Variants in PKN2 observed in about 807,000 individuals in gnomAD.
PKN2 encodes the protein protein kinase N2.
PKN2 carries 38 observed loss-of-function variants against 119.1 expected under a neutral mutation model. The observed-to-expected ratio is 0.32, with a 90% CI of 0.25 to 0.42. PKN2 has a LOEUF of 0.42. Among genes scored for constraint, PKN2 ranks in the 10% least tolerant of loss-of-function variants. PKN2 has a pLI of 1.00. For missense variants in PKN2, 850 were observed against 1,165.1 expected, an observed-to-expected ratio of 0.73 and a Z score of 3.94; for synonymous variants, 390 against 384.9, an observed-to-expected ratio of 1.01 and a Z score of -0.15.
At chr1:88,816,177 T>C (rs1463124653) in intron 16 of PKN2, among the ~76,000 whole-genome samples, 1 of 152,090 alleles carries the variant, frequency 6.6e-6, no homozygotes, top group Non-Finnish European at 1.5e-5. Flanking sequence ...TTTTTATAAT[T>C]GTTACAGTAT....
chr1:88,792,545 A>G (rs558827584), intron 8 of PKN2, among the ~76,000 whole-genome samples: 39 of 152,314 alleles, frequency 2.6e-4, no homozygotes, highest in African/African-American at 7.0e-4. Context: ...CAACCCATGT[A>G]CTCGAAAATC....
At chr1:88,739,115 T>A (rs561360626) in intron 1 of PKN2, among the ~76,000 whole-genome samples, 1 of 152,308 alleles carries the variant, frequency 6.6e-6, no homozygotes, top group African/African-American at 2.4e-5. Flanking sequence ...TGGAACCTGG[T>A]AAGTATACAT....
Position 88,789,266 on chromosome 1 carries a change from A to C in PKN2, c.1281+3053A>C, listed in dbSNP as rs929169370. 6.6e-5 allele frequency among the ~76,000 whole-genome samples: 10 copies of C among 152,330 alleles called. No individual in the cohort carries two copies. In the East Asian group the frequency reaches 1.3e-3, roughly 21 times the overall value. ...ACTAGAATATTAGGAGATAATGTTC[A>C]GAGAGAAAGATGCAGACAGTTGAGA... On this transcript the variant is annotated intron_variant, in intron 8 of 21. Coordinates refer to ENST00000370521, the MANE Select transcript of PKN2 (RefSeq NM_006256.4).
chr1:88,768,850 G>T (rs1434084995), intron 3 of PKN2, among the ~76,000 whole-genome samples: 2 of 152,208 alleles, frequency 1.3e-5, no homozygotes, highest in Non-Finnish European at 2.9e-5. Context: ...GACTGTACAA[G>T]AAGGATGGTG....
At chr1:88,754,383 A>C (rs1446530169) in intron 2 of PKN2, among the ~76,000 whole-genome samples, 1 of 152,202 alleles carries the variant, frequency 6.6e-6, no homozygotes, top group Non-Finnish European at 1.5e-5. Context: ...AGATGCTTAT[A>C]GTCGCAGAGG....
chr1:88,790,850 T>A (rs1670803606), intron 8 of PKN2, among the ~76,000 whole-genome samples: 1 of 152,196 alleles, frequency 6.6e-6, no homozygotes, highest in Non-Finnish European at 1.5e-5. Context: ...TGTCTTTTTG[T>A]TCTACTTTCT....
chr1:88,724,168 A>C (rs1201223139), intron 1 of PKN2, among the ~76,000 whole-genome samples: 1 of 152,224 alleles, frequency 6.6e-6, no homozygotes, highest in African/African-American at 2.4e-5. Flanking sequence ...AGCTCAACTC[A>C]CTTGCTTTAA....
At chr1:88,790,206 T>G (rs1384035129) in intron 8 of PKN2, among the ~76,000 whole-genome samples, 1 of 152,242 alleles carries the variant, frequency 6.6e-6, no homozygotes, top group African/African-American at 2.4e-5. Context: ...TCTTCTACAT[T>G]GGATCACTTG....
chr1:88,685,580 T>G (rs1332304632), intron 1 of PKN2, among the ~76,000 whole-genome samples: 2 of 152,200 alleles, frequency 1.3e-5, no homozygotes, highest in African/African-American at 4.8e-5. Flanking sequence ...CATGGGGACT[T>G]AAGCTACCCT....
At chr1:88,815,982 A>T (rs183195601) in intron 16 of PKN2, among the ~76,000 whole-genome samples, 1 of 152,062 alleles carries the variant, frequency 6.6e-6, no homozygotes, top group Non-Finnish European at 1.5e-5. Context: ...TATACTAAAA[A>T]TACAAAAATT....
In PKN2 at chr1:88,716,896, T is replaced by G. The variant is rs368384118; in HGVS notation, c.49-24092T>G. On this transcript the variant is annotated intron_variant, in intron 1 of 21. Transcript: ENST00000370521. ...TGCAGTTTCTTCCTATCATCGATGG[T>G]CTTTACAATTTGGCATGTTTTTGCA... Among the ~76,000 whole-genome samples, 96 of 152,350 alleles carry G rather than the reference T, an allele frequency of 6.3e-4. 2 individuals carry two copies. The East Asian group carries it at 0.017, about 27-fold the overall frequency.
At chr1:88,789,227 A>G (rs1265609533) in intron 8 of PKN2, among the ~76,000 whole-genome samples, 2 of 152,208 alleles carry the variant, frequency 1.3e-5, no homozygotes, top group Non-Finnish European at 2.9e-5. Flanking sequence ...ATGTTGAAGT[A>G]TTAGAGAGAG....
At chr1:88,740,903 A>G (rs371460596) in intron 1 of PKN2, 85 bp from the exon 2 acceptor site, 56 of 779,696 alleles carry the variant, frequency 7.2e-5, no homozygotes, top group East Asian at 5.3e-4. Context: ...ATCAAGAAAG[A>G]CTCTCTTAGG....
chr1:88,815,380 T>A, intron 16 of PKN2: 1 of 290,296 alleles, frequency 3.4e-6, no homozygotes, highest in Non-Finnish European at 6.6e-6. Flanking sequence ...CTGAGTTCCC[T>A]AGCTAAAATA....
intron 1 of PKN2, among the ~76,000 whole-genome samples, chr1:88,698,900 A>G (rs1182759495): frequency 2.6e-5 from 4 of 152,166 alleles, no homozygotes; most frequent in Admixed American, 2.0e-4. Context: ...TTTTTCTGGT[A>G]GTTTCCTTTA....
chr1:88,819,241 C>G lies in PKN2; in HGVS notation c.2280-2700C>G, dbSNP rs569435724. ...ACTGTCGTCAGAGTGAACAGGCAACCTACAGAATGGGAGAAGATTTTTGCA... is the reference window on the plus strand; with the variant it reads ...ACTGTCGTCAGAGTGAACAGGCAACGTACAGAATGGGAGAAGATTTTTGCA... On this transcript the variant is annotated intron_variant, in intron 16 of 21. Transcript: ENST00000370521. Among the ~76,000 whole-genome samples the G allele has an allele frequency of 3.9e-5, 6 of 152,110 alleles. No individual in the cohort carries two copies. The South Asian group carries it at 1.2e-3, about 32-fold the overall frequency.
chr1:88,700,758 C>A (rs1223043344), intron 1 of PKN2, among the ~76,000 whole-genome samples: 2 of 152,178 alleles, frequency 1.3e-5, no homozygotes, highest in Non-Finnish European at 2.9e-5. Flanking sequence ...TTCTATTTAT[C>A]TGCCTCTTTT....
At chr1:88,739,257 A>C (rs1225902029) in intron 1 of PKN2, among the ~76,000 whole-genome samples, 1 of 152,054 alleles carries the variant, frequency 6.6e-6, no homozygotes, top group Non-Finnish European at 1.5e-5. Context: ...AGGATCACTT[A>C]GGCCAAGAGT....
At chr1:88,775,739 A>G (rs1436027192) in intron 6 of PKN2, among the ~76,000 whole-genome samples, 24 of 152,244 alleles carry the variant, frequency 1.6e-4, no homozygotes, top group Admixed American at 1.6e-3. Flanking sequence ...AACATAGGCT[A>G]TAAATATTGT....
Sources: allele counts gnomAD v4.1 joint callset (sites outside exome capture counted in the v4.1 genomes callset), GRCh38; gene constraint gnomAD v4.1.1; transcripts MANE v1.5; gene names NCBI Gene and HGNC (gene_info 2026-07-23, HGNC 2026-07-21).